Variants in LAMA2 observed in about 807,000 individuals in gnomAD.
LAMA2 encodes laminin subunit alpha 2, also known as laminin subunit alpha-2.
LAMA2 carries 269 observed loss-of-function variants against 364.8 expected under a neutral mutation model. That is an observed-to-expected ratio of 0.74 (90% CI 0.67 to 0.82). The LOEUF (loss-of-function observed/expected upper bound fraction) is 0.82, where lower values mean the gene tolerates loss of function less well. Ranked by LOEUF, LAMA2 falls within the 40% of genes least tolerant of loss-of-function variation. LAMA2 has a pLI of 0.00. For synonymous variants in LAMA2, 1,379 were observed against 1,370.6 expected (o/e 1.01, Z -0.14); for missense variants, 3,807 against 3,873.2 (o/e 0.98, Z 0.45).
chr6:129,497,698 C>G (rs191634106), intron 58 of LAMA2, among the ~76,000 whole-genome samples: 1 of 152,156 alleles, frequency 6.6e-6, no homozygotes, highest in African/African-American at 2.4e-5. Flanking sequence ...CCATCACACC[C>G]AATCCTGCCA....
intron 1 of LAMA2, among the ~76,000 whole-genome samples, chr6:128,990,758 GGT>G (rs141214507): frequency 6.6e-6 from 1 of 151,462 alleles, no homozygotes; most frequent in Non-Finnish European, 1.5e-5. Flanking sequence ...TCATTGTGTG[GGT>G]GTGTGTGTGT....
At chr6:129,309,925 A>G (rs1249788799) in intron 22 of LAMA2, among the ~76,000 whole-genome samples, 1 of 108,312 alleles carries the variant, frequency 9.2e-6, no homozygotes, top group African/African-American at 4.5e-5. Flanking sequence ...TTTGAGACGG[A>G]GTCTCGCTCT....
At chr6:128,952,025 G>A (rs956529455) in intron 1 of LAMA2, among the ~76,000 whole-genome samples, 9 of 151,928 alleles carry the variant, frequency 5.9e-5, no homozygotes, top group Admixed American at 5.3e-4. Context: ...TAATTAGGCA[G>A]GCATAGTGGC....
intron 3 of LAMA2, among the ~76,000 whole-genome samples, chr6:129,081,508 A>C (rs1394674052): frequency 6.6e-6 from 1 of 152,194 alleles, no homozygotes; most frequent in African/African-American, 2.4e-5. Flanking sequence ...AATTTAAGTA[A>C]TCTTCTTTTA....
intron 8 of LAMA2, among the ~76,000 whole-genome samples, chr6:129,157,347 T>C (rs1779171675): frequency 6.6e-6 from 1 of 152,182 alleles, no homozygotes; most frequent in South Asian, 2.1e-4. Context: ...GTTTAGAAGT[T>C]CCCAGCTTGT....
Position 129,312,930 on chromosome 6 carries a change from C to T in LAMA2, c.3244C>T (p.His1082Tyr), listed in dbSNP as rs146490004. ...CNVNTGQCNC[H>Y]PKFSGAKCTE... ...TGTAAATACAGGCCAATGCAACTGT[C>T]ATCCAAAATTCTCTGGTGCAAAATG... The change falls in exon 23 of 65, where the codon CAT (histidine) becomes TAT (tyrosine). Residue 1082 changes from histidine to tyrosine, a missense_variant. His to Tyr is a moderately conservative substitution (Grantham distance 83). Transcript: ENST00000421865. 747 of 1,614,078 alleles carry T rather than the reference C, an allele frequency of 4.6e-4. 1 individual carries two copies. The highest frequency in any genetic ancestry group is 6.1e-4 in the Non-Finnish European group (721 of 1,180,038).
chr6:129,458,635 C>T (rs1055119902), intron 48 of LAMA2, among the ~76,000 whole-genome samples: 5 of 151,884 alleles, frequency 3.3e-5, no homozygotes, highest in African/African-American at 7.3e-5. Flanking sequence ...ATTGCAAGGA[C>T]GACTCCAATG....
At chr6:129,476,473 C>A (rs1784072254) in intron 53 of LAMA2, among the ~76,000 whole-genome samples, 1 of 152,092 alleles carries the variant, frequency 6.6e-6, no homozygotes, top group African/African-American at 2.4e-5. Flanking sequence ...TGAGTGGTGA[C>A]CCTCAAGAAA....
chr6:129,214,810 A>G (rs1021733578), intron 12 of LAMA2, among the ~76,000 whole-genome samples: 1 of 152,188 alleles, frequency 6.6e-6, no homozygotes, highest in Non-Finnish European at 1.5e-5. Flanking sequence ...GTTGATATCC[A>G]AAAAATAACT....
intron 1 of LAMA2, among the ~76,000 whole-genome samples, chr6:128,965,248 A>G (rs1006876752): frequency 1.6e-4 from 24 of 152,092 alleles, no homozygotes; most frequent in Non-Finnish European, 2.6e-4. Flanking sequence ...TTGGAAAACT[A>G]AGTAAAGCAG....
At chr6:129,210,098 C>A (rs1782997654) in intron 12 of LAMA2, among the ~76,000 whole-genome samples, 1 of 151,730 alleles carries the variant, frequency 6.6e-6, no homozygotes, top group Non-Finnish European at 1.5e-5. Flanking sequence ...TTAATCAGCT[C>A]CCCAAGTGAT....
At chr6:129,070,066 G>A (rs1384554424) in intron 3 of LAMA2, among the ~76,000 whole-genome samples, 46 of 152,034 alleles carry the variant, frequency 3.0e-4, no homozygotes, top group Non-Finnish European at 7.4e-5. Context: ...AGCTATAAGT[G>A]TGCCCAGATT....
chr6:128,977,159 C>G (rs1782580023), intron 1 of LAMA2, among the ~76,000 whole-genome samples: 1 of 151,540 alleles, frequency 6.6e-6, no homozygotes, highest in Non-Finnish European at 1.5e-5. Flanking sequence ...AATTTCTTTG[C>G]CACCTCTTCT....
chr6:129,329,856 G>T (rs999647004), intron 29 of LAMA2, among the ~76,000 whole-genome samples: 4 of 152,142 alleles, frequency 2.6e-5, no homozygotes, highest in African/African-American at 9.7e-5. Context: ...CAAGCAGCAG[G>T]CAAAGGAGCA....
chr6:128,922,579 T>A (rs1186072572), intron 1 of LAMA2, among the ~76,000 whole-genome samples: 1 of 151,798 alleles, frequency 6.6e-6, no homozygotes, highest in African/African-American at 2.4e-5. Context: ...TGTAAATTTG[T>A]TTGAGTTCAT....
chr6:129,148,517 C>G (rs2114967000), intron 6 of LAMA2, among the ~76,000 whole-genome samples: 1 of 152,166 alleles, frequency 6.6e-6, no homozygotes, highest in African/African-American at 2.4e-5. Flanking sequence ...GTATTCAGAG[C>G]ATGCACAGAC....
intron 29 of LAMA2, among the ~76,000 whole-genome samples, chr6:129,339,999 CAA>C (rs150497724): frequency 1.4e-4 from 16 of 113,504 alleles, no homozygotes; most frequent in Admixed American, 2.8e-4. Flanking sequence ...GAGACTGTCT[CAA>C]AAAAAAAAAA....
intron 1 of LAMA2, among the ~76,000 whole-genome samples, chr6:129,016,839 G>T (rs1785107586): frequency 6.6e-6 from 1 of 151,068 alleles, no homozygotes. Flanking sequence ...ATTATTCAAA[G>T]GTACATTTGT....
intron 1 of LAMA2, among the ~76,000 whole-genome samples, chr6:128,939,348 T>C (rs1273147696): frequency 3.3e-5 from 5 of 152,038 alleles, no homozygotes; most frequent in Admixed American, 6.6e-5. Flanking sequence ...TTTTTTTTTT[T>C]CATCCCAATG....
Sources: gnomAD v4.1 joint callset for allele counts (sites outside exome capture counted in the v4.1 genomes callset) on GRCh38, gnomAD v4.1.1 for gene constraint, MANE v1.5 for transcripts, NCBI Gene and HGNC (gene_info 2026-07-23, HGNC 2026-07-21) for gene names.